Variants in PPP1R2 observed in about 807,000 individuals in gnomAD.
PPP1R2 encodes the protein protein phosphatase 1 regulatory inhibitor subunit 2.
A neutral mutation model predicts 29.9 loss-of-function variants in PPP1R2; 16 were observed. That is an observed-to-expected ratio of 0.53 (90% CI 0.36 to 0.81). PPP1R2 has a LOEUF of 0.81. PPP1R2 is among the 30% of genes least tolerant of loss of function. The probability of loss-of-function intolerance (pLI) is 0.00; values close to 1 mark genes in which losing one functional copy is unlikely to be tolerated. For synonymous variants in PPP1R2, 76 were observed against 91.5 expected (o/e 0.83, Z 0.96); for missense variants, 197 against 252.7 (o/e 0.78, Z 1.49).
intron 5 of PPP1R2, among the ~76,000 whole-genome samples, chr3:195,518,296 T>C (rs1718623251): frequency 1.3e-5 from 2 of 152,080 alleles, no homozygotes; most frequent in African/African-American, 4.8e-5. Context: ...AAAGAATCCG[T>C]ATTGGAAAGA....
chr3:195,522,455 C>T (rs1185447390), intron 4 of PPP1R2, among the ~76,000 whole-genome samples: 2 of 152,210 alleles, frequency 1.3e-5, no homozygotes, highest in African/African-American at 4.8e-5. Flanking sequence ...CTGGTTGACT[C>T]ATGAAATCAC....
chr3:195,514,902 G>A lies in PPP1R2; in HGVS notation c.*1994C>T, dbSNP rs1235581163. On this transcript the variant is annotated 3_prime_UTR_variant, in exon 6 of 6. Coordinates refer to ENST00000618156, the MANE Select transcript of PPP1R2 (RefSeq NM_006241.8). Reference sequence around the variant, plus strand: ...ATCATCATCTACTTTCTAAAAACCAGAAAATGAGTTTGTGATTTAAATTTC... The same window carrying A: ...ATCATCATCTACTTTCTAAAAACCAAAAAATGAGTTTGTGATTTAAATTTC... 5.9e-6 allele frequency: 1 copy of A among 170,200 alleles called. No homozygotes were observed. Among genetic ancestry groups the A allele is most frequent in the Non-Finnish European group, 1.3e-5 (1 of 77,922 alleles). The allele number at this position is 170,200 out of a possible 1,614,324, so 10.5% of individuals were successfully genotyped here.
chr3:195,535,610 C>T (rs569231796), intron 1 of PPP1R2, among the ~76,000 whole-genome samples: 25 of 152,240 alleles, frequency 1.6e-4, no homozygotes, highest in African/African-American at 5.8e-4. Flanking sequence ...GAGGAATTAA[C>T]AGAAGATGAT....
At chr3:195,518,426 C>T (rs551356605) in intron 5 of PPP1R2, among the ~76,000 whole-genome samples, 331 of 151,780 alleles carry the variant, frequency 2.2e-3, no homozygotes, top group African/African-American at 7.8e-3. Context: ...CCGAGGCGGG[C>T]GGATCACAAG....
intron 4 of PPP1R2, 127 bp from the exon 5 acceptor site, chr3:195,519,312 T>C: frequency 1.4e-6 from 1 of 712,606 alleles, no homozygotes; most frequent in Non-Finnish European, 2.3e-6. Flanking sequence ...GCTGCTTTTG[T>C]GTTCAATGGC....
chr3:195,518,465 C>T (rs1718630373), intron 5 of PPP1R2, among the ~76,000 whole-genome samples: 1 of 152,000 alleles, frequency 6.6e-6, no homozygotes. Context: ...TCCTGGCTAA[C>T]ATGGTGAAAC....
chr3:195,516,768 C>G lies in PPP1R2; in HGVS notation c.*128G>C. 1.4e-6 allele frequency: 1 copy of G among 729,800 alleles called. No homozygotes were observed. Among genetic ancestry groups the G allele is most frequent in the Non-Finnish European group, 2.3e-6 (1 of 435,002 alleles). 45.2% of individuals were successfully genotyped at this position (729,800 alleles called of 1,614,324 possible). Reference sequence around the variant, plus strand: ...CAGTCTCTAAGTTTATCATTTAATTCTTGGCAATATATAATAACTGGTATG... The same window carrying G: ...CAGTCTCTAAGTTTATCATTTAATTGTTGGCAATATATAATAACTGGTATG... On this transcript the variant is annotated 3_prime_UTR_variant, in exon 6 of 6. Coordinates refer to ENST00000618156, the MANE Select transcript of PPP1R2 (RefSeq NM_006241.8).
At chr3:195,528,258 A>G (rs1008350541) in intron 2 of PPP1R2, among the ~76,000 whole-genome samples, 2 of 152,112 alleles carry the variant, frequency 1.3e-5, no homozygotes, top group East Asian at 3.8e-4. Context: ...GGGTTACTTC[A>G]CTTAGAGTAA....
intron 1 of PPP1R2, among the ~76,000 whole-genome samples, chr3:195,540,372 T>C (rs1719549980): frequency 6.6e-6 from 1 of 152,198 alleles, no homozygotes; most frequent in Non-Finnish European, 1.5e-5. Flanking sequence ...GTAAAATGGC[T>C]CCCAAGTGTA....
rs1718517685 is a variant in PPP1R2, at chr3:195,515,649, A to G, written c.*1247T>C. 6.6e-6 allele frequency: 1 copy of G among 152,178 alleles called. No homozygotes were observed. Among genetic ancestry groups the G allele is most frequent in the Non-Finnish European group, 1.5e-5 (1 of 67,980 alleles). The allele number at this position is 152,178 out of a possible 1,614,324, so 9.4% of individuals were successfully genotyped here. On this transcript the variant is annotated 3_prime_UTR_variant, in exon 6 of 6. Transcript: ENST00000618156. ...ATAGTACACATTATCGTAGTCCCTTAAAGCAGGGACTATTTAACAATGTCC... is the reference window on the plus strand; with the variant it reads ...ATAGTACACATTATCGTAGTCCCTTGAAGCAGGGACTATTTAACAATGTCC...
intron 4 of PPP1R2, among the ~76,000 whole-genome samples, chr3:195,520,445 C>CA (rs1718712732): frequency 6.6e-6 from 1 of 152,014 alleles, no homozygotes; most frequent in South Asian, 2.1e-4. Context: ...CCTATCTCTA[C>CA]AAAAAAATTA....
In PPP1R2 at chr3:195,535,705, C is replaced by T. The variant is rs150873047; in HGVS notation, c.123-5804G>A. Among the ~76,000 whole-genome samples the T allele has an allele frequency of 9.1e-3, 1,384 of 152,280 alleles. 20 individuals carry two copies. Among genetic ancestry groups the T allele is most frequent in the African/African-American group, 0.032 (1,314 of 41,548 alleles). On this transcript the variant is annotated intron_variant, in intron 1 of 5. Transcript: ENST00000618156. ...AGCAAAGCCAGGAAACAAATTGACACTAGACAATCTGACCAAGAGTTCTAT... is the reference window on the plus strand; with the variant it reads ...AGCAAAGCCAGGAAACAAATTGACATTAGACAATCTGACCAAGAGTTCTAT...
At chr3:195,530,540 T>C (rs1719138172) in intron 1 of PPP1R2, among the ~76,000 whole-genome samples, 1 of 152,270 alleles carries the variant, frequency 6.6e-6, no homozygotes, top group Non-Finnish European at 1.5e-5. Flanking sequence ...TTTTGTTTTG[T>C]TTTGAGACGG....
At chr3:195,531,282 T>C (rs1049922807) in intron 1 of PPP1R2, among the ~76,000 whole-genome samples, 4 of 152,204 alleles carry the variant, frequency 2.6e-5, no homozygotes. Flanking sequence ...TTGTTACATA[T>C]AGTTTGTTAC....
chr3:195,523,586 C>T, intron 4 of PPP1R2, 106 bp downstream of exon 4: 1 of 832,502 alleles, frequency 1.2e-6, no homozygotes, highest in Non-Finnish European at 2.0e-6. Context: ...TTCTCCTCCC[C>T]TGTGTGTCCC....
At chr3:195,519,359 T>G (rs557646148) in intron 4 of PPP1R2, 174 bp from the exon 5 acceptor site, 1 of 467,202 alleles carries the variant, frequency 2.1e-6, no homozygotes, top group East Asian at 3.5e-5. Flanking sequence ...CACTGGGCCC[T>G]GCAAAATTTA....
chr3:195,541,236 A>T (rs758613023), intron 1 of PPP1R2, among the ~76,000 whole-genome samples: 3 of 152,180 alleles, frequency 2.0e-5, no homozygotes, highest in Non-Finnish European at 2.9e-5. Context: ...GGCCCACGGG[A>T]AATTACAGCA....
intron 4 of PPP1R2, among the ~76,000 whole-genome samples, chr3:195,521,746 G>T (rs368155170): frequency 6.6e-6 from 1 of 152,092 alleles, no homozygotes; most frequent in Admixed American, 6.5e-5. Context: ...CACCTCCCAG[G>T]TTCAAGCAAT....
rs369583029 is a variant in PPP1R2 at position 195,529,910 on chromosome 3, A to G, written c.123-9T>C. On this transcript the variant is annotated splice_polypyrimidine_tract_variant and intron_variant, in intron 1 of 5. Transcript: ENST00000618156. ...ACTTCTGGGATTTTTTGCTAAAATT[A>G]AAAAGAAAAAACGTTTTTCCCAATG... 2 of 1,587,032 alleles carry G rather than the reference A, an allele frequency of 1.3e-6. No homozygotes were observed. The highest frequency in any genetic ancestry group is 2.7e-5 in the African/African-American group (2 of 73,650).
Sources: gnomAD v4.1 joint callset for allele counts (sites outside exome capture counted in the v4.1 genomes callset) on GRCh38, gnomAD v4.1.1 for gene constraint, MANE v1.5 for transcripts, NCBI Gene and HGNC (gene_info 2026-07-23, HGNC 2026-07-21) for gene names.